COL5A1: variants seen among roughly 807,000 people sequenced by gnomAD.
The protein encoded by COL5A1 is collagen alpha-1(V) chain.
Under a neutral mutation model 263.7 loss-of-function variants are expected in COL5A1, and 16 were observed. That is an observed-to-expected ratio of 0.06 (90% CI 0.04 to 0.09). The LOEUF (loss-of-function observed/expected upper bound fraction) is 0.09, where lower values mean the gene tolerates loss of function less well. Among genes scored for constraint, COL5A1 ranks in the 10% least tolerant of loss-of-function variants. COL5A1 has a pLI of 1.00. For synonymous variants in COL5A1, 1,012 were observed against 1,004.5 expected (o/e 1.01, Z -0.14); for missense variants, 2,036 against 2,540.5 (o/e 0.80, Z 4.27).
Position 134,747,462 on chromosome 9 carries a change from A to G in COL5A1, c.1495-3080A>G, listed in dbSNP as rs367575753. On this transcript the variant is annotated intron_variant, in intron 11 of 65. Coordinates refer to ENST00000371817, the MANE Select transcript of COL5A1 (RefSeq NM_000093.5). Reference sequence around the variant, plus strand: ...ATGCACACACATGCATTCCCACACAAACGTACACATGCATACACACATGCA... The same window carrying G: ...ATGCACACACATGCATTCCCACACAGACGTACACATGCATACACACATGCA... Among the ~76,000 whole-genome samples, 261 of 150,798 alleles carry G rather than the reference A, an allele frequency of 1.7e-3. 1 individual carries two copies. In the Middle Eastern group the frequency reaches 0.028, roughly 16 times the overall value.
chr9:134,791,355 G>A (rs976830571), intron 32 of COL5A1, among the ~76,000 whole-genome samples: 3 of 152,192 alleles, frequency 2.0e-5, no homozygotes, highest in African/African-American at 7.2e-5. Flanking sequence ...TGGAGCCCTG[G>A]CCTCCTTCAT....
intron 1 of COL5A1, among the ~76,000 whole-genome samples, chr9:134,651,157 G>A (rs73556954): frequency 3.1e-4 from 47 of 152,300 alleles, no homozygotes; most frequent in African/African-American, 1.0e-3. Flanking sequence ...CCTCTGCCTC[G>A]GTTTCTTCTT....
chr9:134,684,591 A>G (rs754511349), intron 1 of COL5A1, among the ~76,000 whole-genome samples: 3 of 152,194 alleles, frequency 2.0e-5, no homozygotes, highest in Admixed American at 6.5e-5. Flanking sequence ...CCTTGCATGA[A>G]GTTTCAGCAT....
At chr9:134,759,247 C>T (rs1421401285) in intron 18 of COL5A1, among the ~76,000 whole-genome samples, 1 of 131,308 alleles carries the variant, frequency 7.6e-6, no homozygotes, top group Non-Finnish European at 1.5e-5. Flanking sequence ...ACATACACCA[C>T]ACATGTGTGC....
intron 4 of COL5A1, among the ~76,000 whole-genome samples, chr9:134,710,729 T>C (rs1302255895): frequency 9.3e-6 from 1 of 107,924 alleles, no homozygotes; most frequent in African/African-American, 3.8e-5. Context: ...GGAGCCCTAT[T>C]TGTTGGGTGC....
rs1838853635 is a variant in COL5A1 at position 134,818,455 on chromosome 9, C to A, written c.4231-201C>A. 6.6e-6 allele frequency among the ~76,000 whole-genome samples: 1 copy of A among 152,202 alleles called. No individual in the cohort carries two copies. The highest frequency in any genetic ancestry group is 1.5e-5 in the Non-Finnish European group (1 of 68,034). Reference sequence around the variant, plus strand: ...GCAGTCAGCGGAGACGGGATCCCTGCTGGCCTGGGAGATGATCGGGATGGA... The same window carrying A: ...GCAGTCAGCGGAGACGGGATCCCTGATGGCCTGGGAGATGATCGGGATGGA... On this transcript the variant is annotated intron_variant, in intron 54 of 65. Coordinates refer to ENST00000371817, the MANE Select transcript of COL5A1 (RefSeq NM_000093.5). The surrounding 1 kb of genome is among the most constrained non-coding windows in gnomAD (Gnocchi z 6.0).
rs1022641416 is a variant in COL5A1, at chr9:134,801,948, T to C, written c.2953-6T>C. On this transcript the variant is annotated splice_polypyrimidine_tract_variant and splice_region_variant and intron_variant, in intron 37 of 65. Coordinates refer to ENST00000371817, the MANE Select transcript of COL5A1 (RefSeq NM_000093.5). The stretch of plus-strand genomic sequence containing the variant: ...CACCGTCAGTGCAGTGACTCTCTCT[T>C]CACAGGGTTTCCAAGGCAAGACCGG... 12 of 1,613,140 alleles carry C rather than the reference T, an allele frequency of 7.4e-6. No individual in the cohort carries two copies. Among genetic ancestry groups the C allele is most frequent in the Non-Finnish European group, 1.0e-5 (12 of 1,180,006 alleles).
chr9:134,789,231 GC>G lies in COL5A1; in HGVS notation c.2700+24del. On this transcript the variant is annotated intron_variant, in intron 32 of 65. Coordinates refer to ENST00000371817, the MANE Select transcript of COL5A1 (RefSeq NM_000093.5). This position sits in a 1 kb window ranked among gnomAD's most constrained non-coding sequence, Gnocchi z 4.8. ...AGGGTAAGGATAGCCTGGCCCCTGGGCAGGCAGCTTGTTCGGCTGCCTCGGT... is the reference window on the plus strand; with the variant it reads ...AGGGTAAGGATAGCCTGGCCCCTGGGAGGCAGCTTGTTCGGCTGCCTCGGT... 6.2e-7 allele frequency: 1 copy of G among 1,608,348 alleles called. No individual in the cohort carries two copies. The highest frequency in any genetic ancestry group is 1.7e-4 in the Middle Eastern group (1 of 6,056).
intron 50 of COL5A1, 88 bp downstream of exon 50, chr9:134,814,992 G>C (rs1345248810): frequency 1.1e-6 from 1 of 927,540 alleles, no homozygotes; most frequent in Non-Finnish European, 1.7e-6. Flanking sequence ...GGTGCACTCT[G>C]CTCTGAGAAC....
At chr9:134,706,352 G>A (rs4400464) in intron 4 of COL5A1, among the ~76,000 whole-genome samples, 75,893 of 152,072 alleles carry the variant, frequency 0.5, 19,329 homozygotes, top group Admixed American at 0.64. Context: ...GCTCCCCCCA[G>A]TGCAGGAAGG....
intron 37 of COL5A1, among the ~76,000 whole-genome samples, chr9:134,801,426 C>A (rs111612394): frequency 6.6e-6 from 1 of 152,212 alleles, no homozygotes; most frequent in South Asian, 2.1e-4. Flanking sequence ...AAAGGCGAAT[C>A]GCGTCGGCCT....
Position 134,696,638 on chromosome 9 carries a change from G to A in COL5A1, c.278-3271G>A, listed in dbSNP as rs779134707. Among the ~76,000 whole-genome samples, 9 of 152,186 alleles carry A rather than the reference G, an allele frequency of 5.9e-5. No individual in the cohort carries two copies. Among genetic ancestry groups the A allele is most frequent in the Non-Finnish European group, 8.8e-5 (6 of 68,046 alleles). On this transcript the variant is annotated intron_variant, in intron 2 of 65. Transcript: ENST00000371817. The surrounding 1 kb of genome is among the most constrained non-coding windows in gnomAD (Gnocchi z 4.3). ...GGATCAGTCACTGTTTATTGATCAC[G>A]TGATCCACTGTAGTGAGCAATCGGT... is the stretch of plus-strand genomic sequence containing the variant.
chr9:134,789,983 C>G lies in COL5A1; in HGVS notation c.2700+775C>G, dbSNP rs1266786971. 1.3e-5 allele frequency among the ~76,000 whole-genome samples: 2 copies of G among 152,218 alleles called. No homozygotes were observed. Among genetic ancestry groups the G allele is most frequent in the African/African-American group, 4.8e-5 (2 of 41,466 alleles). On this transcript the variant is annotated intron_variant, in intron 32 of 65. Transcript: ENST00000371817. This position sits in a 1 kb window ranked among gnomAD's most constrained non-coding sequence, Gnocchi z 4.8. Reference sequence around the variant, plus strand: ...CTGTGGTGTACATGCAGGACAGCATCTGCAGAGCAGGCCTGGGGGACATGC... The same window carrying G: ...CTGTGGTGTACATGCAGGACAGCATGTGCAGAGCAGGCCTGGGGGACATGC...
intron 9 of COL5A1, chr9:134,732,348 C>T (rs1408287014): frequency 3.1e-6 from 2 of 637,376 alleles, no homozygotes; most frequent in South Asian, 1.8e-5. Flanking sequence ...ATGGAGGGGG[C>T]GGGATAGGTG....
chr9:134,815,887 C>T, intron 51 of COL5A1, 48 bp from the exon 52 acceptor site: 2 of 1,608,230 alleles, frequency 1.2e-6, no homozygotes, highest in Non-Finnish European at 8.5e-7. Flanking sequence ...TGCATGAACT[C>T]AGGGTGCCAT....
intron 57 of COL5A1, among the ~76,000 whole-genome samples, chr9:134,819,657 A>G (rs933217561): frequency 2.0e-5 from 3 of 152,236 alleles, no homozygotes; most frequent in African/African-American, 4.8e-5. Context: ...AAACATAGAC[A>G]GCGAGTGTCA....
intron 61 of COL5A1, 95 bp from the exon 62 acceptor site, chr9:134,824,505 C>A (rs1839170069): frequency 6.6e-7 from 1 of 1,526,406 alleles, no homozygotes; most frequent in Non-Finnish European, 8.9e-7. Context: ...CCAGGGAACC[C>A]CTGCAGATGT....
At position 134,750,895 on chromosome 9, in the gene COL5A1, G is replaced by A; in HGVS notation, c.1662+13G>A. ...CCAGCAGGCCAGGGTGAGTACTGCT[G>A]GGTCCCAAGAGGCCTGAAGGGGACA... is the stretch of plus-strand genomic sequence containing the variant. On this transcript the variant is annotated intron_variant, in intron 13 of 65. Coordinates refer to ENST00000371817, the MANE Select transcript of COL5A1 (RefSeq NM_000093.5). The A allele has an allele frequency of 1.2e-6, 2 of 1,610,526 alleles. No individual in the cohort carries two copies. Among genetic ancestry groups the A allele is most frequent in the Non-Finnish European group, 1.7e-6 (2 of 1,178,152 alleles).
chr9:134,710,938 G>T (rs1440794875), intron 4 of COL5A1, among the ~76,000 whole-genome samples: 3 of 147,426 alleles, frequency 2.0e-5, no homozygotes, highest in Admixed American at 2.0e-4. Flanking sequence ...TGGGTGCAGT[G>T]GTGGGGGAGG....
Sources: allele counts gnomAD v4.1 joint callset (sites outside exome capture counted in the v4.1 genomes callset), GRCh38; gene constraint gnomAD v4.1.1; non-coding constraint Gnocchi (gnomAD v3.1); transcripts MANE v1.5; gene names NCBI Gene and HGNC (gene_info 2026-07-23, HGNC 2026-07-21).